Variants in ADAMTS16 observed in about 807,000 individuals in gnomAD.
The protein encoded by ADAMTS16 is ADAM metallopeptidase with thrombospondin type 1 motif 16, also known as A disintegrin and metalloproteinase with thrombospondin motifs 16.
In ADAMTS16, 94 loss-of-function variants were observed where a neutral mutation model predicts 145.8. The ratio of observed to expected loss-of-function variants is 0.64; its 90% confidence interval spans 0.55 to 0.77. The LOEUF (loss-of-function observed/expected upper bound fraction) is 0.77, where lower values mean the gene tolerates loss of function less well. Among genes scored for constraint, ADAMTS16 ranks in the 30% least tolerant of loss-of-function variants. The pLI is 0.00. For missense variants in ADAMTS16, 1,585 were observed against 1,591.5 expected (o/e 1.00, Z 0.07); for synonymous variants, 659 against 604.3 (o/e 1.09, Z -1.33).
At chr5:5,250,736 T>TGTGTGTGCGCGCGCGCACTCTTGC (rs764397980) in intron 17 of ADAMTS16, among the ~76,000 whole-genome samples, 1 of 141,812 alleles carries the variant, frequency 7.1e-6, no homozygotes, top group African/African-American at 2.6e-5. Context: ...TGTGTGTGTG[T>TGTGTGTGCGCGCGCGCACTCTTGC]GCGCGCACTC....
At chr5:5,305,308 C>T (rs1257610398) in intron 20 of ADAMTS16, among the ~76,000 whole-genome samples, 1 of 81,800 alleles carries the variant, frequency 1.2e-5, no homozygotes, top group Non-Finnish European at 2.6e-5. Flanking sequence ...ACACACACAT[C>T]CCACACCACA....
chr5:5,197,438 C>T (rs1735835722), intron 8 of ADAMTS16, among the ~76,000 whole-genome samples: 1 of 152,150 alleles, frequency 6.6e-6, no homozygotes, highest in Non-Finnish European at 1.5e-5. Context: ...ACTTAACAAA[C>T]ACGAATAGAA....
intron 3 of ADAMTS16, among the ~76,000 whole-genome samples, chr5:5,178,532 T>C (rs1001014809): frequency 6.6e-6 from 1 of 152,234 alleles, no homozygotes; most frequent in African/African-American, 2.4e-5. Flanking sequence ...TGTTTTTTAT[T>C]ATCTGTTGTT....
intron 8 of ADAMTS16, among the ~76,000 whole-genome samples, chr5:5,193,094 T>C (rs1016766556): frequency 1.3e-5 from 2 of 152,194 alleles, no homozygotes; most frequent in Admixed American, 1.3e-4. Flanking sequence ...AGCTGACTTA[T>C]CCATTATTGG....
intron 12 of ADAMTS16, 126 bp from the exon 13 acceptor site, chr5:5,234,888 A>ATG (rs33928110): frequency 1.4e-5 from 5 of 364,232 alleles, no homozygotes; most frequent in Non-Finnish European, 1.6e-5. Context: ...AAAAAAAAAA[A>ATG]GAATCCACTT....
At chr5:5,192,438 T>G (rs1735688310) in intron 8 of ADAMTS16, among the ~76,000 whole-genome samples, 1 of 152,128 alleles carries the variant, frequency 6.6e-6, no homozygotes, top group Non-Finnish European at 1.5e-5. Context: ...TACCCTCGCG[T>G]TTGTGTTCTT....
At chr5:5,305,043 CCA>C (rs199601093) in intron 20 of ADAMTS16, among the ~76,000 whole-genome samples, 13 of 45,174 alleles carry the variant, frequency 2.9e-4, no homozygotes, top group East Asian at 9.6e-4. Context: ...CCATCCCACA[CCA>C]CACACACACA....
chr5:5,191,567 T>C, intron 7 of ADAMTS16, 118 bp from the exon 8 acceptor site: 1 of 819,446 alleles, frequency 1.2e-6, no homozygotes, highest in Non-Finnish European at 2.0e-6. Flanking sequence ...GTTTCCCATT[T>C]CATATTTTCC....
chr5:5,148,546 C>A (rs886240948), intron 3 of ADAMTS16, among the ~76,000 whole-genome samples: 1 of 152,132 alleles, frequency 6.6e-6, no homozygotes. Context: ...CAAACTGGTA[C>A]ATAGTTTTTC....
intron 3 of ADAMTS16, among the ~76,000 whole-genome samples, chr5:5,157,191 T>A (rs1320999576): frequency 1.3e-5 from 2 of 152,084 alleles, no homozygotes; most frequent in Non-Finnish European, 2.9e-5. Flanking sequence ...GTGCTAATTT[T>A]GTATCTTCTA....
intron 18 of ADAMTS16, among the ~76,000 whole-genome samples, chr5:5,275,864 A>AT (rs35268868): frequency 1.5e-4 from 23 of 148,830 alleles, no homozygotes; most frequent in South Asian, 6.4e-4. Flanking sequence ...TGAAGAATCT[A>AT]TTTTTTTTTT....
In ADAMTS16 at chr5:5,191,784, G is replaced by T; in HGVS notation, c.1307G>T (p.Gly436Val). 6.2e-7 allele frequency: 1 copy of T among 1,610,202 alleles called. No homozygotes were observed. The highest frequency in any genetic ancestry group is 8.5e-7 in the Non-Finnish European group (1 of 1,178,382). ...GCCTTCACCATTGCCCATGAGTCTGGACACAAGTAAGTGCATCTCCATGGG... is the reference window on the plus strand; with the variant it reads ...GCCTTCACCATTGCCCATGAGTCTGTACACAAGTAAGTGCATCTCCATGGG... ...GLAFTIAHES[G>V]HNFGMIHDGE... The change falls in exon 8 of 23, where the codon GGA (glycine) becomes GTA (valine). Residue 436 changes from glycine (G) to valine (V), a missense_variant. Gly to Val is a moderately radical substitution (Grantham distance 109, BLOSUM62 -3). This residue lies in a region of ADAMTS16 where 298 missense variants were observed against 367.6 expected (regional missense o/e 0.81). Transcript: ENST00000274181.
intron 18 of ADAMTS16, among the ~76,000 whole-genome samples, chr5:5,289,346 G>A (rs964337550): frequency 6.6e-6 from 1 of 152,200 alleles, no homozygotes; most frequent in Non-Finnish European, 1.5e-5. Flanking sequence ...ATTTGAAGCC[G>A]TCTGCATAAG....
At chr5:5,290,911 C>A (rs138148636) in intron 18 of ADAMTS16, among the ~76,000 whole-genome samples, 4 of 152,234 alleles carry the variant, frequency 2.6e-5, no homozygotes, top group African/African-American at 9.6e-5. Flanking sequence ...AACACCTGTG[C>A]GGGCTCTTCG....
At position 5,318,365 on chromosome 5, in the gene ADAMTS16, G is replaced by A. The variant is rs931976119; in HGVS notation, c.3559+84G>A. On this transcript the variant is annotated intron_variant, in intron 22 of 22. Transcript: ENST00000274181. ...GGAGCAGTTCCTTGGGGGGCCTGGA[G>A]TTAGGGTCTTGCGTCTGATCTACCT... 1.1e-5 allele frequency: 14 copies of A among 1,277,040 alleles called. No individual in the cohort carries two copies. The African/African-American group carries it at 2.0e-4, about 18-fold the overall frequency. 79.1% of individuals were successfully genotyped at this position (1,277,040 alleles called of 1,614,324 possible).
chr5:5,177,989 T>A (rs1258566307), intron 3 of ADAMTS16, among the ~76,000 whole-genome samples: 1 of 152,202 alleles, frequency 6.6e-6, no homozygotes, highest in Non-Finnish European at 1.5e-5. Flanking sequence ...TCTATTTTAT[T>A]TTTTGATTTA....
chr5:5,239,602 C>G lies in ADAMTS16; in HGVS notation c.2279-79C>G, dbSNP rs7725750. 3.8e-6 allele frequency: 6 copies of G among 1,563,848 alleles called. No homozygotes were observed. The Admixed American group carries it at 7.0e-5, about 18-fold the overall frequency. On this transcript the variant is annotated intron_variant, in intron 15 of 22. Transcript: ENST00000274181. ...ATGTGGATTCTCAGGTTTTGTTTAC[C>G]GAGGACTGGGGTTGCTTAGAGATTT...
chr5:5,216,208 GT>G (rs1202307116), intron 10 of ADAMTS16, among the ~76,000 whole-genome samples: 3 of 151,818 alleles, frequency 2.0e-5, no homozygotes, highest in Non-Finnish European at 1.5e-5. Flanking sequence ...AACATCTACT[GT>G]TTTTTGATTT....
intron 3 of ADAMTS16, among the ~76,000 whole-genome samples, chr5:5,156,776 A>G (rs893944263): frequency 1.3e-5 from 2 of 152,130 alleles, no homozygotes; most frequent in African/African-American, 4.8e-5. Context: ...AAGTTTGGCT[A>G]CTCTAAATCA....
Sources: allele counts gnomAD v4.1 joint callset (sites outside exome capture counted in the v4.1 genomes callset), GRCh38; gene constraint gnomAD v4.1.1; regional missense constraint gnomAD v4.1.1; transcripts MANE v1.5; gene names NCBI Gene and HGNC (gene_info 2026-07-23, HGNC 2026-07-21).